Variants in BIRC6 observed in about 807,000 individuals in gnomAD.
BIRC6 encodes dual E2 ubiquitin-conjugating enzyme/E3 ubiquitin-protein ligase BIRC6.
BIRC6 carries 98 observed loss-of-function variants against 503.3 expected under a neutral mutation model. The observed-to-expected ratio is 0.19, with a 90% confidence interval of 0.17 to 0.23. The LOEUF is 0.23. Among genes scored for constraint, BIRC6 ranks in the 10% least tolerant of loss-of-function variants. The pLI is 1.00. For missense variants in BIRC6, 5,360 were observed against 5,806.0 expected (o/e 0.92, Z 2.50); for synonymous variants, 2,240 against 2,078.7 (o/e 1.08, Z -2.11).
chr2:32,529,563 C>T, intron 59 of BIRC6, 88 bp from the exon 60 acceptor site: 1 of 1,199,876 alleles, frequency 8.3e-7, no homozygotes, highest in Non-Finnish European at 1.1e-6. Flanking sequence ...CAAACTCTTG[C>T]CTGTAATTTA....
intron 64 of BIRC6, 60 bp downstream of exon 64, chr2:32,548,074 T>C (rs1361896208): frequency 1.4e-6 from 2 of 1,398,826 alleles, no homozygotes; most frequent in East Asian, 5.2e-5. Context: ...TTTATTATTT[T>C]AAAATATTGA....
intron 66 of BIRC6, among the ~76,000 whole-genome samples, chr2:32,585,433 G>A (rs560134881): frequency 3.3e-4 from 50 of 150,998 alleles, no homozygotes; most frequent in Non-Finnish European, 6.2e-4. Context: ...AGTCTAGAGT[G>A]CTGTGGCGTG....
At chr2:32,381,711 A>T (rs895091692) in intron 3 of BIRC6, among the ~76,000 whole-genome samples, 1 of 151,744 alleles carries the variant, frequency 6.6e-6, no homozygotes, top group African/African-American at 2.4e-5. Flanking sequence ...ATGCCTGGCT[A>T]ATTTTTGTAT....
chr2:32,370,061 T>TACACAC (rs71820292), intron 1 of BIRC6, among the ~76,000 whole-genome samples: 2 of 140,908 alleles, frequency 1.4e-5, no homozygotes, highest in Non-Finnish European at 3.1e-5. Context: ...TGTGTATGTA[T>TACACAC]ACACACACAC....
At chr2:32,414,668 AAAATAAATAAAT>A (rs376508242) in intron 9 of BIRC6, 89 bp from the exon 10 acceptor site, 5 of 934,488 alleles carry the variant, frequency 5.4e-6, no homozygotes, top group African/African-American at 3.4e-5. Context: ...ATTTGTCTCA[AAAATAAATAAAT>A]AAATAAATAA....
chr2:32,517,101 C>T (rs142657552), intron 55 of BIRC6, among the ~76,000 whole-genome samples: 150 of 152,158 alleles, frequency 9.9e-4, no homozygotes, highest in African/African-American at 3.2e-3. Context: ...GAAGCCAAGG[C>T]GGGTGGAACA....
chr2:32,584,994 T>G (rs1035883186), intron 66 of BIRC6, among the ~76,000 whole-genome samples: 2 of 152,202 alleles, frequency 1.3e-5, no homozygotes, highest in African/African-American at 4.8e-5. Flanking sequence ...ATTAATTCTA[T>G]CCCCAAAGCC....
chr2:32,522,369 A>G (rs967634240), intron 57 of BIRC6: 1 of 151,934 alleles, frequency 6.6e-6, no homozygotes, highest in Admixed American at 6.6e-5. Context: ...TAATGATATT[A>G]TTTGAAAACA....
intron 57 of BIRC6, chr2:32,521,982 C>T (rs1384372839): frequency 1.3e-5 from 2 of 151,980 alleles, no homozygotes; most frequent in Non-Finnish European, 2.9e-5. Context: ...ATTATTTCTT[C>T]AATAATTGCC....
chr2:32,380,868 G>T (rs1019292932), intron 3 of BIRC6, among the ~76,000 whole-genome samples: 1 of 152,218 alleles, frequency 6.6e-6, no homozygotes, highest in Non-Finnish European at 1.5e-5. Context: ...GATTGGTCAA[G>T]AGGCTGATGA....
intron 8 of BIRC6, 115 bp from the exon 9 acceptor site, chr2:32,406,384 C>G (rs1353836500): frequency 1.4e-6 from 1 of 702,670 alleles, no homozygotes. Flanking sequence ...GGATGACAGA[C>G]TGAGACCCTG....
intron 65 of BIRC6, chr2:32,565,368 GAC>G (rs943369869): frequency 1.7e-4 from 26 of 152,164 alleles, no homozygotes; most frequent in African/African-American, 5.8e-4. Flanking sequence ...TCCCCTATAA[GAC>G]ATATTTTATT....
intron 38 of BIRC6, among the ~76,000 whole-genome samples, 159 bp from the exon 39 acceptor site, chr2:32,482,270 C>T (rs2050493203): frequency 6.6e-6 from 1 of 152,072 alleles, no homozygotes; most frequent in African/African-American, 2.4e-5. Context: ...ATTACTGGAC[C>T]ATTCTTATAA....
At chr2:32,504,560 G>C (rs1291226530) in intron 49 of BIRC6, among the ~76,000 whole-genome samples, 1 of 151,886 alleles carries the variant, frequency 6.6e-6, no homozygotes, top group Non-Finnish European at 1.5e-5. Flanking sequence ...CCAGCTACTC[G>C]GGAGGCTGAG....
rs369775908 is a variant in BIRC6 at position 32,607,011 on chromosome 2, A to T, written c.14071-444A>T. Among the ~76,000 whole-genome samples the T allele has an allele frequency of 4.5e-3, 631 of 139,898 alleles. 4 individuals are homozygous for T. Among genetic ancestry groups the T allele is most frequent in the Admixed American group, 0.026 (363 of 13,968 alleles). 91.8% of individuals were successfully genotyped at this position (139,898 alleles called of 152,430 possible). A position where few individuals can be genotyped will look rare whatever the true frequency, so the allele number is the denominator to read the frequency against. ...GACAAGAGTGAAACTCAGTCTTATT[A>T]AAAAAAAAAAAAAAATAGTACATGG... On this transcript the variant is annotated intron_variant, in intron 71 of 73. Transcript: ENST00000421745.
intron 21 of BIRC6, among the ~76,000 whole-genome samples, chr2:32,447,332 G>T (rs1400945000): frequency 1.3e-5 from 2 of 151,258 alleles, no homozygotes; most frequent in Non-Finnish European, 3.0e-5. Context: ...GGGGCGGCCG[G>T]GCAGAAGCGC....
intron 55 of BIRC6, among the ~76,000 whole-genome samples, chr2:32,517,735 A>G (rs749191534): frequency 7.0e-5 from 10 of 142,468 alleles, no homozygotes; most frequent in Non-Finnish European, 1.2e-4. Flanking sequence ...CACCATGCCC[A>G]GCTTATTTTT....
At chr2:32,410,862 G>A (rs998574960) in intron 9 of BIRC6, among the ~76,000 whole-genome samples, 6 of 151,876 alleles carry the variant, frequency 4.0e-5, no homozygotes, top group African/African-American at 4.8e-5. Flanking sequence ...CAGCACGCCC[G>A]GCTAAATTTT....
At chr2:32,410,846 G>T (rs764154857) in intron 9 of BIRC6, among the ~76,000 whole-genome samples, 8 of 151,590 alleles carry the variant, frequency 5.3e-5, no homozygotes, top group Non-Finnish European at 7.4e-5. Context: ...GACTGCCGGT[G>T]CCCGCCAGCA....
Sources: allele counts gnomAD v4.1 joint callset (sites outside exome capture counted in the v4.1 genomes callset), GRCh38; gene constraint gnomAD v4.1.1; transcripts MANE v1.5; gene names NCBI Gene and HGNC (gene_info 2026-07-23, HGNC 2026-07-21).